NNAT: variants seen among roughly 807,000 people sequenced by gnomAD.
NNAT encodes the protein neuronatin.
In NNAT, 8 loss-of-function variants were observed where a neutral mutation model predicts 12.7. That is an observed-to-expected ratio of 0.63 (90% CI 0.37 to 1.14). The LOEUF is 1.14. Ranked by LOEUF, NNAT falls within the 50% of genes most tolerant of loss-of-function variation. The pLI is 0.01. For missense variants in NNAT, 94 were observed against 108.3 expected, an observed-to-expected ratio of 0.87 and a Z score of 0.59; for synonymous variants, 52 against 48.5, an observed-to-expected ratio of 1.07 and a Z score of -0.30.
At chr20:37,522,541 C>T in intron 2 of NNAT, 103 bp downstream of exon 2, 1 of 1,388,752 alleles carries the variant, frequency 7.2e-7, no homozygotes, top group Non-Finnish European at 9.9e-7. Context: ...GCGCCCGCGC[C>T]CGCCTCTCCA....
rs2071634992 is a variant in NNAT, at chr20:37,522,835, C to T, written c.*76C>T. On this transcript the variant is annotated 3_prime_UTR_variant, in exon 3 of 3. Transcript: ENST00000649451. ...TCTCGGCCAGCACGGGAGCCAGTGC[C>T]GCGCAGGAATGTGGGGTCCCCTGTG... 1.5e-6 allele frequency: 2 copies of T among 1,372,380 alleles called. No individual in the cohort carries two copies. Among genetic ancestry groups the T allele is most frequent in the African/African-American group, 2.9e-5 (2 of 69,518 alleles). 85.0% of individuals were successfully genotyped at this position (1,372,380 alleles called of 1,614,324 possible). A position where few individuals can be genotyped will look rare whatever the true frequency, so the allele number is the denominator to read the frequency against.
In NNAT at chr20:37,522,788, T is replaced by A; in HGVS notation, c.*29T>A. Reference sequence around the variant, plus strand: ...CCCAGCTCCCAGCCCTGGGCGGCCGTATCATCAGGTGCTCCTGTGCATCTC... The same window carrying A: ...CCCAGCTCCCAGCCCTGGGCGGCCGAATCATCAGGTGCTCCTGTGCATCTC... On this transcript the variant is annotated 3_prime_UTR_variant, in exon 3 of 3. Coordinates refer to ENST00000649451, the MANE Select transcript of NNAT (RefSeq NM_005386.4). 1 of 1,554,010 alleles carries A rather than the reference T, an allele frequency of 6.4e-7. No individual in the cohort carries two copies. The highest frequency in any genetic ancestry group is 1.2e-5 in the South Asian group (1 of 85,046).
intron 2 of NNAT, 69 bp from the exon 3 acceptor site, chr20:37,522,598 G>GGGGGGGGGGGGGGGGGGCC: frequency 1.2e-6 from 1 of 864,372 alleles, no homozygotes. Flanking sequence ...GCGGGGGTGG[G>GGGGGGGGGGGGGGGGGGCC]CACGGCAGCA....
chr20:37,523,107 C>A lies in NNAT; in HGVS notation c.*348C>A, dbSNP rs950552748. 1.3e-5 allele frequency: 3 copies of A among 239,626 alleles called. No individual in the cohort carries two copies. Among genetic ancestry groups the A allele is most frequent in the East Asian group, 8.2e-5 (1 of 12,218 alleles). The allele number at this position is 239,626 out of a possible 1,614,324, so 14.8% of individuals were successfully genotyped here. On this transcript the variant is annotated 3_prime_UTR_variant, in exon 3 of 3. Transcript: ENST00000649451. ...TCCCAGCCCCGAAGCCAGGGCCATGCCAGCAGGCCCCACCATGGAAATCAA... is the reference window on the plus strand; with the variant it reads ...TCCCAGCCCCGAAGCCAGGGCCATGACAGCAGGCCCCACCATGGAAATCAA...
At chr20:37,522,067 GA>G (rs11481521) in intron 1 of NNAT, among the ~76,000 whole-genome samples, 1 of 147,956 alleles carries the variant, frequency 6.8e-6, no homozygotes, top group Non-Finnish European at 1.5e-5. Context: ...GGAGCTAACG[GA>G]AAAAAATGGA....
At position 37,521,424 on chromosome 20, in the gene NNAT, G is replaced by T; in HGVS notation, c.72+21G>T. 6.2e-7 allele frequency: 1 copy of T among 1,612,780 alleles called. No homozygotes were observed. The highest frequency in any genetic ancestry group is 8.5e-7 in the Non-Finnish European group (1 of 1,178,756). ...TGCAGGTAAGTCTGACGGGGTTTCG[G>T]GTGGGAGAGGGTTCCCAACTCGCGC... On this transcript the variant is annotated intron_variant, in intron 1 of 2. Coordinates refer to ENST00000649451, the MANE Select transcript of NNAT (RefSeq NM_005386.4). This position sits in a 1 kb window ranked among gnomAD's most constrained non-coding sequence, Gnocchi z 4.5.
In NNAT at chr20:37,522,731, G is replaced by C; in HGVS notation, c.218G>C (p.Gly73Ala). 2 of 1,610,164 alleles carry C rather than the reference G, an allele frequency of 1.2e-6. No homozygotes were observed. The highest frequency in any genetic ancestry group is 1.7e-6 in the Non-Finnish European group (2 of 1,178,784). The change falls in exon 3 of 3, where the codon GGG becomes GCG. Residue 73 changes from glycine to alanine, a missense_variant. Physicochemically the swap from Gly to Ala is moderately conservative, Grantham distance 60. Transcript: ENST00000649451. ...TCGCGGACCGGGCGGCAGGTGTTGG[G>C]GGAGCGCAGGCAGCGAGCCCCCAAC... The part of the protein sequence containing the change: ...TVSRTGRQVL[G>A]ERRQRAPN
Position 37,522,503 on chromosome 20 carries a change from T to C in NNAT, c.153+65T>C, listed in dbSNP as rs555484475. The stretch of plus-strand genomic sequence containing the variant: ...CAGCTCTCAGCACAGTTGGAAAAGC[T>C]CCAGCTGCCCTGACTCGTGGACAAG... On this transcript the variant is annotated intron_variant, in intron 2 of 2. Transcript: ENST00000649451. 1.3e-5 allele frequency: 20 copies of C among 1,516,386 alleles called. No homozygotes were observed. In the South Asian group the frequency reaches 2.0e-4, roughly 15 times the overall value. 93.9% of individuals were successfully genotyped at this position (1,516,386 alleles called of 1,614,324 possible).
Position 37,521,461 on chromosome 20 carries a change from G to A in NNAT, c.72+58G>A. On this transcript the variant is annotated intron_variant, in intron 1 of 2. Transcript: ENST00000649451. The surrounding 1 kb of genome is among the most constrained non-coding windows in gnomAD (Gnocchi z 4.5). ...TTCCCAACTCGCGCCCCTAGAACCC[G>A]CAAGACTGCGTCGCGATTGCCGCTT... is the stretch of plus-strand genomic sequence containing the variant. The A allele has an allele frequency of 1.3e-6, 2 of 1,529,212 alleles. No homozygotes were observed. The highest frequency in any genetic ancestry group is 1.8e-6 in the Non-Finnish European group (2 of 1,102,778). 94.7% of individuals were successfully genotyped at this position (1,529,212 alleles called of 1,614,324 possible).
At position 37,522,510 on chromosome 20, in the gene NNAT, G is replaced by A. The variant is rs1311381404; in HGVS notation, c.153+72G>A. 2.0e-6 allele frequency: 3 copies of A among 1,500,800 alleles called. No individual in the cohort carries two copies. In the African/African-American group the frequency reaches 4.2e-5, roughly 21 times the overall value. The allele number at this position is 1,500,800 out of a possible 1,614,324, so 93.0% of individuals were successfully genotyped here. On this transcript the variant is annotated intron_variant, in intron 2 of 2. Coordinates refer to ENST00000649451, the MANE Select transcript of NNAT (RefSeq NM_005386.4). ...CAGCACAGTTGGAAAAGCTCCAGCTGCCCTGACTCGTGGACAAGCTGCGCC... is the reference window on the plus strand; with the variant it reads ...CAGCACAGTTGGAAAAGCTCCAGCTACCCTGACTCGTGGACAAGCTGCGCC...
Position 37,522,856 on chromosome 20 carries a change from C to A in NNAT, c.*97C>A. The stretch of plus-strand genomic sequence containing the variant: ...GTGCCGCGCAGGAATGTGGGGTCCC[C>A]TGTGTTCCCTCGCCAGAGGAGCACT... On this transcript the variant is annotated 3_prime_UTR_variant, in exon 3 of 3. Coordinates refer to ENST00000649451, the MANE Select transcript of NNAT (RefSeq NM_005386.4). The A allele has an allele frequency of 1.8e-6, 2 of 1,135,444 alleles. No individual in the cohort carries two copies. The highest frequency in any genetic ancestry group is 2.5e-6 in the Non-Finnish European group (2 of 811,192). The allele number at this position is 1,135,444 out of a possible 1,614,324, so 70.3% of individuals were successfully genotyped here.
intron 2 of NNAT, 95 bp downstream of exon 2, chr20:37,522,533 GC>G: frequency 8.6e-7 from 1 of 1,158,626 alleles, no homozygotes; most frequent in Admixed American, 2.5e-5. Flanking sequence ...GACAAGCTGC[GC>G]CCGCGCCCGC....
rs147372366 is a variant in NNAT at position 37,523,398 on chromosome 20, T to C, written c.*639T>C. On this transcript the variant is annotated 3_prime_UTR_variant, in exon 3 of 3. Transcript: ENST00000649451. ...TACTCCAAAATAATGTGTCACTTGA[T>C]TTGGAACTATTCAAGCAGTAAAAGT... 6.5e-5 allele frequency: 10 copies of C among 152,786 alleles called. No individual in the cohort carries two copies. Among genetic ancestry groups the C allele is most frequent in the African/African-American group, 2.4e-4 (10 of 41,568 alleles). 9.5% of individuals were successfully genotyped at this position (152,786 alleles called of 1,614,324 possible). A position where few individuals can be genotyped will look rare whatever the true frequency, so the allele number is the denominator to read the frequency against.
chr20:37,521,587 GCTGACC>G lies in NNAT; in HGVS notation c.72+187_72+192del. 1.6e-6 allele frequency: 1 copy of G among 633,444 alleles called. No homozygotes were observed. The highest frequency in any genetic ancestry group is 2.8e-6 in the Non-Finnish European group (1 of 361,972). The allele number at this position is 633,444 out of a possible 1,614,324, so 39.2% of individuals were successfully genotyped here. A position where few individuals can be genotyped will look rare whatever the true frequency, so the allele number is the denominator to read the frequency against. The stretch of plus-strand genomic sequence containing the variant: ...CCATTCCCTGCGCCGTCCTCCTCGC[GCTGACC>G]CTCCCTAGTGCGCCCGCGCCTGCCA... On this transcript the variant is annotated intron_variant, in intron 1 of 2. Transcript: ENST00000649451. The surrounding 1 kb of genome is among the most constrained non-coding windows in gnomAD (Gnocchi z 4.5).
At chr20:37,522,023 A>G (rs1271345187) in intron 1 of NNAT, among the ~76,000 whole-genome samples, 1 of 151,762 alleles carries the variant, frequency 6.6e-6, no homozygotes, top group East Asian at 1.9e-4. Flanking sequence ...AATGCATTAG[A>G]TTAAAAACGC....
At position 37,521,446 on chromosome 20, in the gene NNAT, G is replaced by C; in HGVS notation, c.72+43G>C. On this transcript the variant is annotated intron_variant, in intron 1 of 2. Coordinates refer to ENST00000649451, the MANE Select transcript of NNAT (RefSeq NM_005386.4). The surrounding 1 kb of genome is among the most constrained non-coding windows in gnomAD (Gnocchi z 4.5). Reference sequence around the variant, plus strand: ...TCGGGTGGGAGAGGGTTCCCAACTCGCGCCCCTAGAACCCGCAAGACTGCG... The same window carrying C: ...TCGGGTGGGAGAGGGTTCCCAACTCCCGCCCCTAGAACCCGCAAGACTGCG... 1 of 1,584,466 alleles carries C rather than the reference G, an allele frequency of 6.3e-7. No individual in the cohort carries two copies. Among genetic ancestry groups the C allele is most frequent in the Non-Finnish European group, 8.7e-7 (1 of 1,152,950 alleles).
chr20:37,522,472 G>A (rs1292327785), intron 2 of NNAT, 34 bp downstream of exon 2: 4 of 1,583,938 alleles, frequency 2.5e-6, no homozygotes, highest in Admixed American at 1.7e-5. Context: ...TCAGCTTGCC[G>A]CCATGCAGCT....
In NNAT at chr20:37,523,038, C is replaced by T. The variant is rs1013630805; in HGVS notation, c.*279C>T. On this transcript the variant is annotated 3_prime_UTR_variant, in exon 3 of 3. Coordinates refer to ENST00000649451, the MANE Select transcript of NNAT (RefSeq NM_005386.4). ...GGGGAGCAGACCCCTGAGATCTGGG[C>T]ATAGGCACCGCATTCTGATCTGGAC... 1.5e-5 allele frequency: 6 copies of T among 402,426 alleles called. No homozygotes were observed. Among genetic ancestry groups the T allele is most frequent in the African/African-American group, 1.2e-4 (6 of 48,606 alleles). 24.9% of individuals were successfully genotyped at this position (402,426 alleles called of 1,614,324 possible).
rs754592291 is a variant in NNAT, at chr20:37,521,441, A to G, written c.72+38A>G. The G allele has an allele frequency of 2.5e-6, 4 of 1,596,422 alleles. No homozygotes were observed. The highest frequency in any genetic ancestry group is 1.3e-5 in the African/African-American group (1 of 74,698). ...GGGTTTCGGGTGGGAGAGGGTTCCCAACTCGCGCCCCTAGAACCCGCAAGA... is the reference window on the plus strand; with the variant it reads ...GGGTTTCGGGTGGGAGAGGGTTCCCGACTCGCGCCCCTAGAACCCGCAAGA... On this transcript the variant is annotated intron_variant, in intron 1 of 2. Transcript: ENST00000649451. This position sits in a 1 kb window ranked among gnomAD's most constrained non-coding sequence, Gnocchi z 4.5.
Sources: gnomAD v4.1 joint callset for allele counts (sites outside exome capture counted in the v4.1 genomes callset) on GRCh38, gnomAD v4.1.1 for gene constraint, Gnocchi (gnomAD v3.1) non-coding constraint, MANE v1.5 for transcripts, NCBI Gene and HGNC (gene_info 2026-07-23, HGNC 2026-07-21) for gene names.